NEBL: variants seen among roughly 807,000 people sequenced by gnomAD.
The protein encoded by NEBL is LIM and SH3 protein 2.
NEBL carries 122 observed loss-of-function variants against 140.2 expected under a neutral mutation model. The ratio of observed to expected loss-of-function variants is 0.87; its 90% CI spans 0.75 to 1.01. The LOEUF (loss-of-function observed/expected upper bound fraction) is 1.01. Among genes scored for constraint, NEBL ranks in the 50% least tolerant of loss-of-function variants. The probability of loss-of-function intolerance (pLI) is 0.00; values close to 1 mark genes in which losing one functional copy is unlikely to be tolerated. For synonymous variants in NEBL, 436 were observed against 398.9 expected (o/e 1.09, Z -1.11); for missense variants, 1,365 against 1,231.3 (o/e 1.11, Z -1.62).
intron 3 of NEBL, among the ~76,000 whole-genome samples, chr10:20,984,919 C>T (rs1837195647): frequency 6.6e-6 from 1 of 152,132 alleles, no homozygotes; most frequent in Non-Finnish European, 1.5e-5. Flanking sequence ...GGAGCACGAA[C>T]CCTATTGTGA....
chr10:20,935,471 C>T (rs1307196118), intron 4 of NEBL, among the ~76,000 whole-genome samples: 3 of 152,134 alleles, frequency 2.0e-5, no homozygotes, highest in Non-Finnish European at 4.4e-5. Flanking sequence ...CCCCCAAGAA[C>T]ATGCTCCCCT....
At chr10:21,220,937 C>G (rs1842058243) in intron 3 of NEBL, among the ~76,000 whole-genome samples, 1 of 152,220 alleles carries the variant, frequency 6.6e-6, no homozygotes, top group Non-Finnish European at 1.5e-5. Context: ...AGGAGGATTA[C>G]TTGAGCCAGG....
intron 1 of NEBL, among the ~76,000 whole-genome samples, chr10:21,258,899 G>T (rs549562831): frequency 6.6e-6 from 1 of 152,032 alleles, no homozygotes; most frequent in South Asian, 2.1e-4. Context: ...ACCTGCATTG[G>T]GTCAGGCAAT....
At chr10:21,286,601 G>A (rs1244864446) in intron 1 of NEBL, among the ~76,000 whole-genome samples, 2 of 152,212 alleles carry the variant, frequency 1.3e-5, no homozygotes, top group African/African-American at 4.8e-5. Context: ...GGGAGGCCAA[G>A]GCGGGTGGAT....
At chr10:21,286,534 A>C (rs929484326) in intron 1 of NEBL, among the ~76,000 whole-genome samples, 7 of 152,202 alleles carry the variant, frequency 4.6e-5, no homozygotes, top group African/African-American at 1.7e-4. Context: ...AGCAGACTGG[A>C]TTCAGACTAT....
intron 2 of NEBL, among the ~76,000 whole-genome samples, chr10:21,154,276 T>C (rs1412579809): frequency 2.0e-5 from 3 of 151,908 alleles, no homozygotes; most frequent in African/African-American, 7.3e-5. Context: ...CTGATCAACA[T>C]GGTGAAACCC....
intron 2 of NEBL, among the ~76,000 whole-genome samples, chr10:21,034,672 A>G (rs1833944306): frequency 6.6e-6 from 1 of 152,250 alleles, no homozygotes; most frequent in African/African-American, 2.4e-5. Context: ...GAAACTGTCT[A>G]ACGGAGGAAA....
intron 1 of NEBL, among the ~76,000 whole-genome samples, chr10:21,269,031 G>A (rs898682551): frequency 6.6e-6 from 1 of 152,108 alleles, no homozygotes; most frequent in African/African-American, 2.4e-5. Context: ...TCTCCATTGT[G>A]GTTTGACCAC....
chr10:21,157,593 G>A (rs563709295), intron 2 of NEBL, among the ~76,000 whole-genome samples: 51 of 152,182 alleles, frequency 3.4e-4, no homozygotes, highest in African/African-American at 1.2e-3. Context: ...AAAATTGACA[G>A]CATTGAATTT....
At chr10:21,131,141 T>C (rs996221809) in intron 2 of NEBL, among the ~76,000 whole-genome samples, 12 of 152,098 alleles carry the variant, frequency 7.9e-5, no homozygotes, top group Non-Finnish European at 1.8e-4. Flanking sequence ...TTAACCAAGA[T>C]GAAATAGACT....
At chr10:20,908,984 T>C (rs1409827223) in intron 4 of NEBL, among the ~76,000 whole-genome samples, 4 of 152,168 alleles carry the variant, frequency 2.6e-5, no homozygotes, top group Non-Finnish European at 5.9e-5. Flanking sequence ...ATAAAATTTG[T>C]GTTTGTGGCA....
chr10:21,249,916 T>C (rs1289662669), intron 2 of NEBL, among the ~76,000 whole-genome samples: 2 of 151,928 alleles, frequency 1.3e-5, no homozygotes, highest in Non-Finnish European at 2.9e-5. Context: ...ATATAAAAAT[T>C]GACTGGGTGT....
chr10:21,251,618 A>G (rs1054627813), intron 2 of NEBL, among the ~76,000 whole-genome samples: 1 of 152,128 alleles, frequency 6.6e-6, no homozygotes, highest in African/African-American at 2.4e-5. Flanking sequence ...AAAAATGTGT[A>G]TGTTAAATCC....
chr10:20,958,628 GA>G (rs892228522), intron 4 of NEBL, among the ~76,000 whole-genome samples: 1 of 152,138 alleles, frequency 6.6e-6, no homozygotes. Flanking sequence ...ATTTCATGGG[GA>G]AAAAAATAAT....
chr10:21,208,835 G>T (rs1416422475), intron 3 of NEBL, among the ~76,000 whole-genome samples: 1 of 152,124 alleles, frequency 6.6e-6, no homozygotes, highest in Non-Finnish European at 1.5e-5. Context: ...CAACAGCATG[G>T]CAGGGAAAAA....
chr10:21,278,920 T>C (rs1439773424), intron 1 of NEBL, among the ~76,000 whole-genome samples: 1 of 152,078 alleles, frequency 6.6e-6, no homozygotes, highest in Non-Finnish European at 1.5e-5. Context: ...ATACCCCTTG[T>C]ATTGTATGTG....
intron 13 of NEBL, among the ~76,000 whole-genome samples, chr10:20,839,155 G>T (rs566474926): frequency 8.5e-5 from 13 of 152,142 alleles, no homozygotes; most frequent in African/African-American, 3.1e-4. Flanking sequence ...CTCCTAGGCC[G>T]GTTCTTCCTT....
At chr10:21,282,015 A>T (rs1435071139) in intron 1 of NEBL, among the ~76,000 whole-genome samples, 1 of 152,226 alleles carries the variant, frequency 6.6e-6, no homozygotes, top group Admixed American at 6.5e-5. Context: ...TCTGTCCCAC[A>T]ACCATTCCTC....
At chr10:20,793,675 T>A (rs1257620509) in intron 26 of NEBL, among the ~76,000 whole-genome samples, 1 of 151,368 alleles carries the variant, frequency 6.6e-6, no homozygotes, top group African/African-American at 2.4e-5. Context: ...CACCACAGCC[T>A]CCCAAGTAGC....
Sources: gnomAD v4.1 joint callset for allele counts (sites outside exome capture counted in the v4.1 genomes callset) on GRCh38, gnomAD v4.1.1 for gene constraint, MANE v1.5 for transcripts, NCBI Gene and HGNC (gene_info 2026-07-23, HGNC 2026-07-21) for gene names.